OGFOD1: variants seen among roughly 807,000 people sequenced by gnomAD.
The protein encoded by OGFOD1 is prolyl 3-hydroxylase OGFOD1.
A neutral mutation model predicts 67.7 loss-of-function variants in OGFOD1; 54 were observed. That is an observed-to-expected ratio of 0.80 (90% CI 0.64 to 1.00). The LOEUF (loss-of-function observed/expected upper bound fraction) is 1.00. OGFOD1 is among the 50% of genes least tolerant of loss of function. OGFOD1 has a pLI of 0.00. For synonymous variants in OGFOD1, 221 were observed against 227.0 expected (o/e 0.97, Z 0.24); for missense variants, 606 against 646.7 (o/e 0.94, Z 0.68).
In OGFOD1 at chr16:56,470,010, A is replaced by G. The variant is rs773198782; in HGVS notation, c.908A>G (p.Lys303Arg). The change falls in exon 9 of 13, where the codon AAA (lysine) becomes AGA (arginine). Residue 303 changes from lysine to arginine, a missense_variant. Coordinates refer to ENST00000566157, the MANE Select transcript of OGFOD1 (RefSeq NM_018233.4). ...TATTTGCTCATTTTCTAGCCTGAGA[A>G]ATTCACGAAAGTCTGTGAGGCCTTG... The part of the protein sequence containing the change: ...ILLKEFLKPE[K>R]FTKVCEALEH... 3.1e-6 allele frequency: 5 copies of G among 1,614,076 alleles called. No individual in the cohort carries two copies. In the Admixed American group the frequency reaches 8.3e-5, roughly 27 times the overall value.
Position 56,453,281 on chromosome 16 carries a change from T to A in OGFOD1, c.173T>A (p.Met58Lys), listed in dbSNP as rs1292193565. ...PFSHEVIVMD[M>K]DPFLHCVIPN... is the part of the protein sequence containing the mutation. ...CCAACAGAAGTCATTGTCATGGACATGGACCCTTTTCTTCACTGTGTGATC... is the reference window on the plus strand; with the variant it reads ...CCAACAGAAGTCATTGTCATGGACAAGGACCCTTTTCTTCACTGTGTGATC... Residue 58 changes from methionine to lysine, a missense_variant, in exon 2 of 13, where the codon ATG (methionine) becomes AAG (lysine). Coordinates refer to ENST00000566157, the MANE Select transcript of OGFOD1 (RefSeq NM_018233.4). The A allele has an allele frequency of 6.2e-7, 1 of 1,613,086 alleles. No homozygotes were observed. Among genetic ancestry groups the A allele is most frequent in the South Asian group, 1.1e-5 (1 of 90,818 alleles).
chr16:56,457,930 G>A (rs908614127), intron 2 of OGFOD1, among the ~76,000 whole-genome samples: 6 of 152,146 alleles, frequency 3.9e-5, no homozygotes, highest in South Asian at 2.1e-4. Flanking sequence ...TGCCCGCCTC[G>A]GCCTCCCAAA....
chr16:56,478,617 A>G lies in OGFOD1; in HGVS notation c.*2412A>G, dbSNP rs1179966024. 1 of 152,174 alleles carries G rather than the reference A, an allele frequency of 6.6e-6. No homozygotes were observed. The highest frequency in any genetic ancestry group is 1.5e-5 in the Non-Finnish European group (1 of 68,026). The allele number at this position is 152,174 out of a possible 1,614,324, so 9.4% of individuals were successfully genotyped here. A position where few individuals can be genotyped will look rare whatever the true frequency, so the allele number is the denominator to read the frequency against. On this transcript the variant is annotated 3_prime_UTR_variant, in exon 13 of 13. Transcript: ENST00000566157. ...ACTGTCATGTGTGCCAAGCTTGGAA[A>G]ATAGTTTGAGACTCATGGCTGTAGG...
In OGFOD1 at chr16:56,476,817, C is replaced by T. The variant is rs868352107; in HGVS notation, c.*612C>T. 2.6e-5 allele frequency: 4 copies of T among 152,244 alleles called. No individual in the cohort carries two copies. Among genetic ancestry groups the T allele is most frequent in the Non-Finnish European group, 5.9e-5 (4 of 68,074 alleles). The allele number at this position is 152,244 out of a possible 1,614,324, so 9.4% of individuals were successfully genotyped here. On this transcript the variant is annotated 3_prime_UTR_variant, in exon 13 of 13. Transcript: ENST00000566157. Reference sequence around the variant, plus strand: ...AGATGCATCCATGTTTCCAGTGTTTCGGTTTTTTTAGAAAAACTCATACGT... The same window carrying T: ...AGATGCATCCATGTTTCCAGTGTTTTGGTTTTTTTAGAAAAACTCATACGT...
chr16:56,465,393 T>G (rs1962861808), intron 4 of OGFOD1, among the ~76,000 whole-genome samples: 1 of 152,248 alleles, frequency 6.6e-6, no homozygotes, highest in South Asian at 2.1e-4. Context: ...CAGGGTTCAT[T>G]CTAGATTTCT....
intron 4 of OGFOD1, 43 bp downstream of exon 4, chr16:56,462,677 T>C (rs759322973): frequency 1.7e-6 from 2 of 1,165,812 alleles, no homozygotes; most frequent in Non-Finnish European, 2.6e-6. Context: ...TATAAAGGCT[T>C]TAACTCAGCA....
chr16:56,457,700 G>A lies in OGFOD1; in HGVS notation c.301-848G>A, dbSNP rs1190707891. On this transcript the variant is annotated intron_variant, in intron 2 of 12. Coordinates refer to ENST00000566157, the MANE Select transcript of OGFOD1 (RefSeq NM_018233.4). ...AGTCACCTATTAGGTTTTTTTTTTA[G>A]ACGGAGTTTTGCTCTTGTTGCCCAG... 4.7e-5 allele frequency among the ~76,000 whole-genome samples: 7 copies of A among 149,730 alleles called. No homozygotes were observed. The South Asian group carries it at 1.3e-3, about 27-fold the overall frequency.
chr16:56,463,384 GTTTTTTTTTTTTTTTTTTT>G (rs56388148), intron 4 of OGFOD1, among the ~76,000 whole-genome samples: 2 of 43,784 alleles, frequency 4.6e-5, no homozygotes, highest in African/African-American at 2.0e-4. Flanking sequence ...TCTTTTTTGG[GTTTTTTTTTTTTTTTTTTT>G]TTTTTTTTTT....
rs1345645050 is a variant in OGFOD1, at chr16:56,478,385, A to AT, written c.*2186dup. On this transcript the variant is annotated 3_prime_UTR_variant, in exon 13 of 13. Transcript: ENST00000566157. ...CATGTTGGCCAGGCTGGAGACCACA[A>AT]TTTTTTAACCACAGTGTAGCAACAC... 3.9e-5 allele frequency: 6 copies of AT among 152,186 alleles called. No individual in the cohort carries two copies. Among genetic ancestry groups the AT allele is most frequent in the African/African-American group, 1.4e-4 (6 of 41,532 alleles). 9.4% of individuals were successfully genotyped at this position (152,186 alleles called of 1,614,324 possible). A position where few individuals can be genotyped will look rare whatever the true frequency, so the allele number is the denominator to read the frequency against.
chr16:56,475,972 TC>T (rs1430085417), intron 12 of OGFOD1, 71 bp from the exon 13 acceptor site: 3 of 1,340,144 alleles, frequency 2.2e-6, no homozygotes, highest in Non-Finnish European at 2.1e-6. Context: ...AACCATCTGT[TC>T]CATGGTTAAT....
At chr16:56,457,750 A>G (rs8049631) in intron 2 of OGFOD1, among the ~76,000 whole-genome samples, 105,433 of 151,728 alleles carry the variant, frequency 0.69, 38,421 homozygotes, top group African/African-American at 0.93. Flanking sequence ...GCGAGATCTC[A>G]GCTCACTGCA....
chr16:56,469,742 T>A (rs1375605873), intron 8 of OGFOD1, among the ~76,000 whole-genome samples: 2 of 146,972 alleles, frequency 1.4e-5, no homozygotes, highest in African/African-American at 2.5e-5. Context: ...CCCAGCTACT[T>A]GGGAGGCTGA....
intron 4 of OGFOD1, among the ~76,000 whole-genome samples, chr16:56,463,342 T>A (rs1190942617): frequency 6.7e-6 from 1 of 148,994 alleles, no homozygotes; most frequent in South Asian, 2.1e-4. Context: ...GGAAAAGCCA[T>A]ATCATGTATC....
chr16:56,463,792 A>T (rs1393983550), intron 4 of OGFOD1, among the ~76,000 whole-genome samples: 1 of 149,774 alleles, frequency 6.7e-6, no homozygotes, highest in Non-Finnish European at 1.5e-5. Flanking sequence ...CAAATAATTT[A>T]TTTTTTCCTA....
chr16:56,460,585 GGACT>G (rs1287848795), intron 3 of OGFOD1, among the ~76,000 whole-genome samples: 3 of 152,166 alleles, frequency 2.0e-5, no homozygotes, highest in Non-Finnish European at 4.4e-5. Flanking sequence ...ACCTCTGAGT[GGACT>G]GACTGAGCAC....
chr16:56,451,531 A>G (rs111983939), upstream of OGFOD1: 17 of 1,487,192 alleles, frequency 1.1e-5, no homozygotes, highest in African/African-American at 4.2e-5. Context: ...AAACACGATA[A>G]AGGGGACATG....
At chr16:56,453,055 G>C (rs1194979991) in intron 1 of OGFOD1, among the ~76,000 whole-genome samples, 1 of 152,160 alleles carries the variant, frequency 6.6e-6, no homozygotes, top group Admixed American at 6.5e-5. Context: ...TCAAGGACTG[G>C]AGTTGTAAGC....
chr16:56,463,445 C>T (rs182020757), intron 4 of OGFOD1, among the ~76,000 whole-genome samples: 1 of 111,472 alleles, frequency 9.0e-6, no homozygotes, highest in East Asian at 3.1e-4. Flanking sequence ...CGTTTTGAGA[C>T]GGAGTCTCCC....
intron 2 of OGFOD1, among the ~76,000 whole-genome samples, chr16:56,454,156 T>A (rs1358638519): frequency 1.3e-5 from 2 of 152,138 alleles, no homozygotes; most frequent in Non-Finnish European, 2.9e-5. Context: ...GAGACCAGCC[T>A]GGCCAACATG....
Sources: gnomAD v4.1 joint callset for allele counts (sites outside exome capture counted in the v4.1 genomes callset) on GRCh38, gnomAD v4.1.1 for gene constraint, MANE v1.5 for transcripts, NCBI Gene and HGNC (gene_info 2026-07-23, HGNC 2026-07-21) for gene names.